SEPTIN10: variants seen among roughly 807,000 people sequenced by gnomAD.
SEPTIN10 encodes the protein septin-10.
In SEPTIN10, 66 loss-of-function variants were observed where a neutral mutation model predicts 54.8. The ratio of observed to expected loss-of-function variants is 1.21; its 90% CI spans 0.99 to 1.48. SEPTIN10 has a LOEUF of 1.48. Ranked by LOEUF, SEPTIN10 falls within the 40% of genes most tolerant of loss-of-function variation. The probability of loss-of-function intolerance (pLI) is 0.00; values close to 1 mark genes in which losing one functional copy is unlikely to be tolerated. For synonymous variants in SEPTIN10, 161 were observed against 181.0 expected, an observed-to-expected ratio of 0.89 and a Z score of 0.89; for missense variants, 620 against 545.6, an observed-to-expected ratio of 1.14 and a Z score of -1.36.
intron 1 of SEPTIN10, among the ~76,000 whole-genome samples, chr2:109,595,647 G>A (rs879889828): frequency 4.6e-5 from 7 of 152,032 alleles, no homozygotes; most frequent in Non-Finnish European, 8.8e-5. Flanking sequence ...GAAATTTAAG[G>A]TAGAAAAAAA....
In SEPTIN10 at chr2:109,593,179, A is replaced by G. The variant is rs1211771758; in HGVS notation, c.31-60T>C. ...GAAACATTACTCCCCAAACCCCATT[A>G]TCTGAATAATATATTTACATGAATA... On this transcript the variant is annotated intron_variant, in intron 1 of 10. Transcript: ENST00000397712. 6 of 1,086,180 alleles carry G rather than the reference A, an allele frequency of 5.5e-6. No homozygotes were observed. The African/African-American group carries it at 9.5e-5, about 17-fold the overall frequency. 67.3% of individuals were successfully genotyped at this position (1,086,180 alleles called of 1,614,324 possible).
intron 8 of SEPTIN10, among the ~76,000 whole-genome samples, chr2:109,560,602 A>G (rs894798250): frequency 2.0e-4 from 31 of 152,194 alleles, no homozygotes; most frequent in African/African-American, 7.2e-4. Context: ...TGACCTCCAG[A>G]AAGATACCCC....
chr2:109,553,747 G>A (rs563749108), intron 8 of SEPTIN10, among the ~76,000 whole-genome samples: 3 of 151,810 alleles, frequency 2.0e-5, no homozygotes, highest in Non-Finnish European at 4.4e-5. Context: ...CCAGCTACAC[G>A]GGAGGCTGAG....
chr2:109,574,338 TGG>T (rs1365690576), intron 5 of SEPTIN10, among the ~76,000 whole-genome samples: 1 of 148,816 alleles, frequency 6.7e-6, no homozygotes, highest in Non-Finnish European at 1.5e-5. Flanking sequence ...CCCAGCTACC[TGG>T]GAAGCTGAGG....
At chr2:109,559,889 C>T (rs1191997462) in intron 8 of SEPTIN10, among the ~76,000 whole-genome samples, 2 of 149,434 alleles carry the variant, frequency 1.3e-5, no homozygotes, top group African/African-American at 5.0e-5. Flanking sequence ...AAGTCCAGAC[C>T]TATGTAGCCT....
chr2:109,551,880 C>T (rs1390129279), intron 9 of SEPTIN10, among the ~76,000 whole-genome samples: 4 of 152,178 alleles, frequency 2.6e-5, no homozygotes, highest in Admixed American at 1.3e-4. Context: ...AACAAAACTA[C>T]AGAAGTTCAG....
At position 109,551,129 on chromosome 2, in the gene SEPTIN10, G is replaced by A. The variant is rs1019926239; in HGVS notation, c.1161+1958C>T. Among the ~76,000 whole-genome samples the A allele has an allele frequency of 6.6e-5, 10 of 152,228 alleles. No individual in the cohort carries two copies. In the South Asian group the frequency reaches 1.2e-3, roughly 19 times the overall value. On this transcript the variant is annotated intron_variant, in intron 9 of 10. Transcript: ENST00000397712. ...GGAATAGGGAAGACAGAACGTCAAC[G>A]ATATTTGGAGACATCATTTGTTCTG...
rs188026785 is a variant in SEPTIN10, at chr2:109,550,533, C to G, written c.1161+2554G>C. On this transcript the variant is annotated intron_variant, in intron 9 of 10. Coordinates refer to ENST00000397712, the MANE Select transcript of SEPTIN10 (RefSeq NM_144710.5). ...TTCACCATATTGACCAGGCTGGTCT[C>G]AAACTCCTGATCTCAAGTGATCCAC... Among the ~76,000 whole-genome samples the G allele has an allele frequency of 5.5e-3, 839 of 152,058 alleles. 11 individuals are homozygous for G. In the South Asian group the frequency reaches 0.056, roughly 10 times the overall value.
intron 8 of SEPTIN10, among the ~76,000 whole-genome samples, chr2:109,559,428 C>T (rs1685119090): frequency 6.6e-6 from 1 of 152,116 alleles, no homozygotes; most frequent in Non-Finnish European, 1.5e-5. Flanking sequence ...GAGTTTCTTC[C>T]AGCCACTGCT....
At chr2:109,576,871 C>G (rs1689800278) in intron 4 of SEPTIN10, among the ~76,000 whole-genome samples, 1 of 151,946 alleles carries the variant, frequency 6.6e-6, no homozygotes, top group African/African-American at 2.4e-5. Flanking sequence ...TATATTTCAT[C>G]AAAGTTTTCA....
At position 109,567,828 on chromosome 2, in the gene SEPTIN10, T is replaced by C. The variant is rs377591042; in HGVS notation, c.749A>G (p.Asn250Ser). Residue 250 changes from asparagine (N) to serine (S), a missense_variant, in exon 6 of 11, where the codon AAC (asparagine) becomes AGC (serine). Coordinates refer to ENST00000397712, the MANE Select transcript of SEPTIN10 (RefSeq NM_144710.5). Reference sequence around the variant, plus strand: ...TCAGGAGCTCACATTCATTGCAGCGTTGACCTTAGCAATAGTGTCATCATC... The same window carrying C: ...TCAGGAGCTCACATTCATTGCAGCGCTGACCTTAGCAATAGTGTCATCATC... ...PTDDDTIAKVNAAMNGQLPFA... is the reference protein window; with the variant it reads ...PTDDDTIAKVSAAMNGQLPFA... 1.4e-5 allele frequency: 22 copies of C among 1,602,862 alleles called. No homozygotes were observed. Among genetic ancestry groups the C allele is most frequent in the East Asian group, 6.7e-5 (3 of 44,762 alleles).
intron 4 of SEPTIN10, among the ~76,000 whole-genome samples, chr2:109,577,912 CAAAAAAAAAAAAA>C (rs745439822): frequency 1.1e-4 from 10 of 92,344 alleles, no homozygotes; most frequent in African/African-American, 4.1e-4. Flanking sequence ...GACTTTGTCT[CAAAAAAAAAAAAA>C]AAAAAAAAAG....
chr2:109,598,416 T>C (rs914424415), intron 1 of SEPTIN10, among the ~76,000 whole-genome samples: 1 of 152,200 alleles, frequency 6.6e-6, no homozygotes, highest in Non-Finnish European at 1.5e-5. Context: ...TTTATTATTA[T>C]AAAGTTAGTC....
At chr2:109,548,763 T>G (rs28728215) in intron 9 of SEPTIN10, among the ~76,000 whole-genome samples, 69,037 of 127,026 alleles carry the variant, frequency 0.54, 19,027 homozygotes, top group African/African-American at 0.72. Context: ...GCCACAGAGT[T>G]AGGCTCCATC....
In SEPTIN10 at chr2:109,599,526, T is replaced by C. The variant is rs192222425; in HGVS notation, c.31-6407A>G. ...GTGAGCAAGATAAGGCAGCAGCAAG[T>C]TGGCCTCCAGTGTGCATGGCCTGTT... On this transcript the variant is annotated intron_variant, in intron 1 of 10. Transcript: ENST00000397712. 2.0e-5 allele frequency among the ~76,000 whole-genome samples: 3 copies of C among 151,602 alleles called. No homozygotes were observed. In the East Asian group the frequency reaches 5.8e-4, roughly 29 times the overall value.
chr2:109,585,694 C>G (rs1326650001), intron 3 of SEPTIN10, 27 bp downstream of exon 3: 1 of 1,470,372 alleles, frequency 6.8e-7, no homozygotes, highest in African/African-American at 1.4e-5. Context: ...GAAGGAACAA[C>G]TTAGAGGAAG....
intron 1 of SEPTIN10, among the ~76,000 whole-genome samples, chr2:109,602,302 A>G (rs1049749731): frequency 2.7e-5 from 4 of 146,206 alleles, no homozygotes; most frequent in African/African-American, 7.9e-5. Flanking sequence ...ATTAAGGACA[A>G]TAAAATTAAG....
At chr2:109,570,897 C>T (rs2105342709) in intron 5 of SEPTIN10, among the ~76,000 whole-genome samples, 1 of 152,240 alleles carries the variant, frequency 6.6e-6, no homozygotes, top group South Asian at 2.1e-4. Context: ...TATATACAGT[C>T]ATGTGTGGCT....
intron 1 of SEPTIN10, among the ~76,000 whole-genome samples, chr2:109,608,655 A>G (rs777770384): frequency 6.6e-6 from 1 of 152,210 alleles, no homozygotes; most frequent in Non-Finnish European, 1.5e-5. Flanking sequence ...CTATTAAATC[A>G]TATTTGTTTT....
Sources: allele counts gnomAD v4.1 joint callset (sites outside exome capture counted in the v4.1 genomes callset), GRCh38; gene constraint gnomAD v4.1.1; transcripts MANE v1.5; gene names NCBI Gene and HGNC (gene_info 2026-07-23, HGNC 2026-07-21).